Variants in TRIM2 observed in about 807,000 individuals in gnomAD.
The protein encoded by TRIM2 is tripartite motif containing 2.
In TRIM2, 20 loss-of-function variants were observed where a neutral mutation model predicts 75.2. That is an observed-to-expected ratio of 0.27 (90% CI 0.19 to 0.39). The LOEUF is 0.39. Ranked by LOEUF, TRIM2 falls within the 10% of genes least tolerant of loss-of-function variation. The pLI, the probability that TRIM2 is intolerant of heterozygous loss-of-function variation, is 1.00. For missense variants in TRIM2, 660 were observed against 990.8 expected (o/e 0.67, Z 4.48); for synonymous variants, 373 against 388.3 (o/e 0.96, Z 0.46).
chr4:153,291,799 A>G (rs1761883528), intron 3 of TRIM2, among the ~76,000 whole-genome samples: 1 of 152,334 alleles, frequency 6.6e-6, no homozygotes, highest in Non-Finnish European at 1.5e-5. Flanking sequence ...TTAAGAACTT[A>G]TTATGTACCA....
intron 1 of TRIM2, among the ~76,000 whole-genome samples, chr4:153,220,299 T>C (rs1255320443): frequency 6.6e-6 from 1 of 151,390 alleles, no homozygotes; most frequent in African/African-American, 2.4e-5. Context: ...AAAATCAAAG[T>C]TCTAAGGCAA....
intron 1 of TRIM2, among the ~76,000 whole-genome samples, chr4:153,218,057 G>A (rs1738963395): frequency 6.6e-6 from 1 of 152,164 alleles, no homozygotes; most frequent in South Asian, 2.1e-4. Context: ...CATTGCTAAT[G>A]AGAATGTAAA....
intron 1 of TRIM2, among the ~76,000 whole-genome samples, chr4:153,184,315 G>C (rs917698780): frequency 1.3e-5 from 2 of 152,178 alleles, no homozygotes; most frequent in Admixed American, 1.3e-4. Flanking sequence ...CTGACTATGT[G>C]CTTACATGGC....
At chr4:153,302,225 G>GT (rs2150174914) in intron 6 of TRIM2, among the ~76,000 whole-genome samples, 1 of 151,898 alleles carries the variant, frequency 6.6e-6, no homozygotes, top group South Asian at 2.1e-4. Context: ...GTTGTTGTTA[G>GT]TTTTTTTCTT....
intron 3 of TRIM2, among the ~76,000 whole-genome samples, chr4:153,288,853 G>T (rs1172163733): frequency 6.7e-5 from 10 of 150,226 alleles, no homozygotes; most frequent in African/African-American, 2.5e-4. Flanking sequence ...CTTCCTGCTT[G>T]AATTTTCTGT....
chr4:153,232,084 G>A (rs1179944030), intron 1 of TRIM2, among the ~76,000 whole-genome samples: 4 of 152,026 alleles, frequency 2.6e-5, no homozygotes, highest in Admixed American at 6.6e-5. Flanking sequence ...AAATACTTCC[G>A]GCCCCAAGCA....
At chr4:153,201,655 A>G (rs1175384183), upstream of TRIM2, among the ~76,000 whole-genome samples, 1 of 152,134 alleles carries the variant, frequency 6.6e-6, no homozygotes, top group Non-Finnish European at 1.5e-5. Flanking sequence ...TGATCTGGCC[A>G]CTGCACTCCA....
At chr4:153,153,935 C>T (rs1239954708) in intron 1 of TRIM2, among the ~76,000 whole-genome samples, 1 of 152,212 alleles carries the variant, frequency 6.6e-6, no homozygotes, top group African/African-American at 2.4e-5. Context: ...GAAAAGACCT[C>T]AATTCCCTCC....
chr4:153,267,355 A>G (rs561877434), intron 1 of TRIM2, among the ~76,000 whole-genome samples: 4 of 152,290 alleles, frequency 2.6e-5, no homozygotes, highest in Non-Finnish European at 5.9e-5. Flanking sequence ...TGTTTCTTCT[A>G]ATCTATAGAA....
Position 153,322,716 on chromosome 4 carries a change from T to C in TRIM2, c.1851T>C (p.Ile617=), listed in dbSNP as rs956999059. The C allele has an allele frequency of 1.2e-6, 2 of 1,614,228 alleles. No individual in the cohort carries two copies. The highest frequency in any genetic ancestry group is 1.7e-6 in the Non-Finnish European group (2 of 1,180,042). ...GVSVDRNGHI[I]VVDNKACCVF... ...CTGTGGACCGCAATGGGCACATTAT[T>C]GTTGTGGACAACAAGGCGTGCTGCG... Residue 617 remains isoleucine (I), a synonymous_variant, in exon 9 of 12, where the codon ATT becomes ATC. Transcript: ENST00000338700.
In TRIM2 at chr4:153,272,297, T is replaced by C. The variant is rs374881614; in HGVS notation, c.215+1778T>C. Reference sequence around the variant, plus strand: ...CTGAGTAGCTAGGACTACAGGTGCCTGCCACCACGCCCAGCTAATTTTTTG... The same window carrying C: ...CTGAGTAGCTAGGACTACAGGTGCCCGCCACCACGCCCAGCTAATTTTTTG... On this transcript the variant is annotated intron_variant, in intron 2 of 11. Transcript: ENST00000338700. Among the ~76,000 whole-genome samples the C allele has an allele frequency of 1.2e-3, 179 of 151,928 alleles. 1 individual carries two copies. The East Asian group carries it at 0.034, about 29-fold the overall frequency.
chr4:153,310,337 ATACTT>A (rs1395124496), intron 6 of TRIM2: 1 of 152,190 alleles, frequency 6.6e-6, no homozygotes, highest in African/African-American at 2.4e-5. Flanking sequence ...TATATTTAGA[ATACTT>A]TAGAGAGAGA....
At position 153,239,276 on chromosome 4, in the gene TRIM2, C is replaced by T. The variant is rs181102986; in HGVS notation, c.31-31059C>T. ...CTGAGGCAGGAGAATGGCGTGAACGCGGGAGGCAGAGCTTGCAGTGAGCCG... is the reference window on the plus strand; with the variant it reads ...CTGAGGCAGGAGAATGGCGTGAACGTGGGAGGCAGAGCTTGCAGTGAGCCG... On this transcript the variant is annotated intron_variant, in intron 1 of 11. Transcript: ENST00000338700. 1.8e-3 allele frequency among the ~76,000 whole-genome samples: 276 copies of T among 150,698 alleles called. 6 individuals carry two copies. The South Asian group carries it at 0.021, about 11-fold the overall frequency.
intron 6 of TRIM2, among the ~76,000 whole-genome samples, chr4:153,300,938 C>T (rs1763769859): frequency 6.6e-6 from 1 of 151,330 alleles, no homozygotes; most frequent in African/African-American, 2.4e-5. Flanking sequence ...TGCCTGTAAT[C>T]CCAGCACCTT....
At chr4:153,230,131 AC>A (rs1298786278) in intron 1 of TRIM2, among the ~76,000 whole-genome samples, 1 of 151,688 alleles carries the variant, frequency 6.6e-6, no homozygotes, top group African/African-American at 2.4e-5. Context: ...TGAATTTTAC[AC>A]ATGATGACTG....
Position 153,336,311 on chromosome 4 carries a change from G to A in TRIM2, c.*1345G>A. On this transcript the variant is annotated 3_prime_UTR_variant, in exon 12 of 12. Transcript: ENST00000338700. ...TTTGCCATTTTCCAAGAATGACGGT[G>A]GTGGCTTTTAGTCAGAAAATGGCCT... is the stretch of plus-strand genomic sequence containing the variant. 3 of 983,566 alleles carry A rather than the reference G, an allele frequency of 3.1e-6. No homozygotes were observed. The highest frequency in any genetic ancestry group is 3.6e-6 in the Non-Finnish European group (3 of 829,690). The allele number at this position is 983,566 out of a possible 1,614,324, so 60.9% of individuals were successfully genotyped here. A position where few individuals can be genotyped will look rare whatever the true frequency, so the allele number is the denominator to read the frequency against.
rs72414117 is a variant in TRIM2 at position 153,273,270 on chromosome 4, C to CTTTTTTTTTT, written c.216-2609_216-2600dup. Among the ~76,000 whole-genome samples, 101 of 57,386 alleles carry CTTTTTTTTTT rather than the reference C, an allele frequency of 1.8e-3. 10 individuals carry two copies. The highest frequency in any genetic ancestry group is 5.0e-3 in the African/African-American group (71 of 14,306). The allele number at this position is 57,386 out of a possible 152,430, so 37.6% of individuals were successfully genotyped here. On this transcript the variant is annotated intron_variant, in intron 2 of 11. Transcript: ENST00000338700. ...ACTCAGTGAGCACCTTACAGTCACTCTTTTTTTTTTTTTTTTTTTTTTTGA... is the reference window on the plus strand; with the variant it reads ...ACTCAGTGAGCACCTTACAGTCACTCTTTTTTTTTTTTTTTTTTTTTTTTTTTTTTTTTGA...
At chr4:153,228,238 T>C (rs1156585596) in intron 1 of TRIM2, among the ~76,000 whole-genome samples, 1 of 152,144 alleles carries the variant, frequency 6.6e-6, no homozygotes, top group Admixed American at 6.5e-5. Context: ...GTATGAATCA[T>C]CCTTGTCACT....
intron 1 of TRIM2, among the ~76,000 whole-genome samples, chr4:153,240,306 C>G (rs1023002752): frequency 1.3e-5 from 2 of 152,128 alleles, no homozygotes; most frequent in Non-Finnish European, 2.9e-5. Flanking sequence ...ATTGCAAATA[C>G]CTGAAGCCAG....
Sources: gnomAD v4.1 joint callset for allele counts (sites outside exome capture counted in the v4.1 genomes callset) on GRCh38, gnomAD v4.1.1 for gene constraint, MANE v1.5 for transcripts, NCBI Gene and HGNC (gene_info 2026-07-23, HGNC 2026-07-21) for gene names.